TRIM64B: variants seen among roughly 807,000 people sequenced by gnomAD.
TRIM64B encodes tripartite motif-containing protein 64B.
For synonymous variants in TRIM64B, 17 were observed against 190.3 expected, an observed-to-expected ratio of 0.09 and a Z score of 7.50; for missense variants, 57 against 536.4, an observed-to-expected ratio of 0.11 and a Z score of 8.83.
upstream of TRIM64B, among the ~76,000 whole-genome samples, chr11:89,876,739 A>G (rs1950167313): frequency 2.0e-5 from 3 of 149,382 alleles, no homozygotes; most frequent in Admixed American, 1.3e-4. Context: ...AAAAAAAAAA[A>G]AGTACATATT....
chr11:89,873,319 T>C (rs2134705841), intron 3 of TRIM64B, 29 bp from the exon 5 acceptor site: 1 of 1,550,470 alleles, frequency 6.4e-7, no homozygotes, highest in East Asian at 2.5e-5. Context: ...TAATGTTAAT[T>C]ATGAGAGATT....
upstream of TRIM64B, among the ~76,000 whole-genome samples, chr11:89,876,721 C>CA (rs57069977): frequency 0.15 from 15,252 of 105,016 alleles, 1,454 homozygotes; most frequent in South Asian, 0.29. Context: ...GACTCTGTCT[C>CA]AAAAAAAAAA....
chr11:89,876,224 C>T (rs548820497), upstream of TRIM64B, among the ~76,000 whole-genome samples: 4 of 135,632 alleles, frequency 2.9e-5, no homozygotes, highest in South Asian at 2.6e-4. Flanking sequence ...CAATAGCCAT[C>T]GAAGATTCGG....
At chr11:89,876,176 A>G (rs1452630900), upstream of TRIM64B, among the ~76,000 whole-genome samples, 2 of 130,498 alleles carry the variant, frequency 1.5e-5, no homozygotes, top group Non-Finnish European at 3.3e-5. Flanking sequence ...ACTGAGACAT[A>G]GTAAATTCAT....
chr11:89,877,638 G>A (rs1171228837), upstream of TRIM64B, among the ~76,000 whole-genome samples: 1 of 132,908 alleles, frequency 7.5e-6, no homozygotes, highest in South Asian at 2.4e-4. Context: ...TGCTGTTGTT[G>A]AGATGCAGTC....
At chr11:89,873,937 A>G (rs1950137103) in intron 3 of TRIM64B, 112 bp downstream of exon 4, 1 of 699,240 alleles carries the variant, frequency 1.4e-6, no homozygotes, top group Non-Finnish European at 2.5e-6. Flanking sequence ...GAAGTCAGAC[A>G]GCATGTGTCA....
At chr11:89,872,560 A>G (rs1453911640) in intron 4 of TRIM64B, among the ~76,000 whole-genome samples, 1 of 151,816 alleles carries the variant, frequency 6.6e-6, no homozygotes, top group Non-Finnish European at 1.5e-5. Flanking sequence ...AGTCATTAAA[A>G]GTCATTGCCT....
chr11:89,872,677 T>C (rs1156301365), intron 4 of TRIM64B, among the ~76,000 whole-genome samples: 1 of 151,836 alleles, frequency 6.6e-6, no homozygotes, highest in Non-Finnish European at 1.5e-5. Context: ...CAGTTGTCAC[T>C]AATGCTAGTC....
chr11:89,876,671 G>C (rs1231377831), upstream of TRIM64B, among the ~76,000 whole-genome samples: 1 of 147,502 alleles, frequency 6.8e-6, no homozygotes, highest in Non-Finnish European at 1.5e-5. Flanking sequence ...GCAGTGAGCC[G>C]AGATCGCACC....
At chr11:89,872,875 A>G (rs1280051668) in intron 4 of TRIM64B, among the ~76,000 whole-genome samples, 4 of 151,340 alleles carry the variant, frequency 2.6e-5, no homozygotes, top group Non-Finnish European at 5.9e-5. Context: ...TAGGAGCAAA[A>G]CATCCCTCCT....
intron 4 of TRIM64B, among the ~76,000 whole-genome samples, chr11:89,872,727 A>C (rs528365034): frequency 2.1e-4 from 32 of 151,878 alleles, no homozygotes; most frequent in Non-Finnish European, 3.1e-4. Flanking sequence ...AAAAGGCTTT[A>C]ATCTTTTGTG....
At chr11:89,872,555 T>C (rs1950121937) in intron 4 of TRIM64B, among the ~76,000 whole-genome samples, 1 of 151,804 alleles carries the variant, frequency 6.6e-6, no homozygotes, top group East Asian at 1.9e-4. Context: ...TCTAAAGTCA[T>C]TAAAAGTCAT....
At chr11:89,877,609 CT>C (rs1280189775), upstream of TRIM64B, among the ~76,000 whole-genome samples, 1,602 of 140,902 alleles carry the variant, frequency 0.011, 6 homozygotes, top group Non-Finnish European at 0.014. Flanking sequence ...TTTTCTTTTT[CT>C]TTTTTTTTTT....
exon 1 of TRIM64B, chr11:89,875,850 T>C (rs1950158868): frequency 1.3e-6 from 2 of 1,550,462 alleles, no homozygotes; most frequent in South Asian, 1.2e-5. Flanking sequence ...CTGAGGTTTT[T>C]CTGCACGAAG....
intron 4 of TRIM64B, among the ~76,000 whole-genome samples, chr11:89,872,788 C>T (rs768638580): frequency 4.9e-4 from 74 of 151,866 alleles, no homozygotes; most frequent in Non-Finnish European, 6.6e-4. Flanking sequence ...CTGAGGGGCC[C>T]GAGGCAACCA....
At chr11:89,871,270 A>T (rs1213154354) in intron 5 of TRIM64B, among the ~76,000 whole-genome samples, 156 bp from the exon 7 acceptor site, 7 of 152,244 alleles carry the variant, frequency 4.6e-5, no homozygotes, top group Admixed American at 2.0e-4. Flanking sequence ...AAATGTTATT[A>T]CACCTCTACA....
upstream of TRIM64B, among the ~76,000 whole-genome samples, chr11:89,876,349 T>C (rs1312902285): frequency 6.8e-6 from 1 of 146,530 alleles, no homozygotes; most frequent in Admixed American, 6.9e-5. Flanking sequence ...TCTAGATTAC[T>C]TTGAATGCCT....
chr11:89,872,915 CCTCT>C lies in TRIM64B; in HGVS notation c.758+349_758+352del, dbSNP rs1372809917. 2.1e-4 allele frequency among the ~76,000 whole-genome samples: 32 copies of C among 149,026 alleles called. No individual in the cohort carries two copies. In the East Asian group the frequency reaches 2.8e-3, roughly 13 times the overall value. ...CCATCCTTAGGGAATCTCTCTCCTC[CCTCT>C]GTCTTTTTTTTTTTTTTTTTTTTAA... On this transcript the variant is annotated intron_variant, in intron 4 of 5. Coordinates refer to ENST00000329862, the Ensembl canonical transcript of TRIM64B.
intron 5 of TRIM64B, among the ~76,000 whole-genome samples, chr11:89,871,687 C>T (rs536743755): frequency 8.2e-4 from 95 of 115,856 alleles, no homozygotes; most frequent in South Asian, 3.5e-3. Flanking sequence ...ATGGTTAAGC[C>T]GTGTTCACAG....
Sources: allele counts gnomAD v4.1 joint callset (sites outside exome capture counted in the v4.1 genomes callset), GRCh38; gene constraint gnomAD v4.1.1; transcripts MANE v1.5; gene names NCBI Gene and HGNC (gene_info 2026-07-23, HGNC 2026-07-21).